The following HCLS1 variants were observed in gnomAD, a reference collection of about 807,000 sequenced individuals.
The protein encoded by HCLS1 is hematopoietic lineage cell-specific protein.
In HCLS1, 44 loss-of-function variants were observed where a neutral mutation model predicts 68.6. The ratio of observed to expected loss-of-function variants is 0.64; its 90% CI spans 0.50 to 0.82. The LOEUF (loss-of-function observed/expected upper bound fraction) is 0.82, where lower values mean the gene tolerates loss of function less well. Among genes scored for constraint, HCLS1 ranks in the 40% least tolerant of loss-of-function variants. The probability of loss-of-function intolerance (pLI) is 0.00; values close to 1 mark genes in which losing one functional copy is unlikely to be tolerated. For synonymous variants in HCLS1, 217 were observed against 225.8 expected, an observed-to-expected ratio of 0.96 and a Z score of 0.35; for missense variants, 602 against 612.1, an observed-to-expected ratio of 0.98 and a Z score of 0.17.
intron 7 of HCLS1, 145 bp from the exon 8 acceptor site, chr3:121,636,634 G>T (rs2049153723): frequency 1.2e-5 from 8 of 659,374 alleles, no homozygotes; most frequent in Non-Finnish European, 1.9e-5. Context: ...GGCATGGATG[G>T]GAAGAGAGGG....
intron 10 of HCLS1, 42 bp downstream of exon 10, chr3:121,634,165 C>T: frequency 1.9e-6 from 3 of 1,612,298 alleles, no homozygotes; most frequent in Non-Finnish European, 2.5e-6. Flanking sequence ...CCTGTCTGGG[C>T]AAGAGATCCT....
At chr3:121,657,483 TC>T in intron 2 of HCLS1, 131 bp from the exon 3 acceptor site, 3 of 754,622 alleles carry the variant, frequency 4.0e-6, no homozygotes, top group Non-Finnish European at 6.8e-6. Flanking sequence ...TTTATTCACA[TC>T]CCCTCTATAT....
intron 3 of HCLS1, among the ~76,000 whole-genome samples, chr3:121,649,686 T>A (rs973984428): frequency 2.0e-5 from 3 of 152,188 alleles, no homozygotes; most frequent in African/African-American, 4.8e-5. Context: ...AAACAAAAAA[T>A]TCCAATTCAA....
At chr3:121,650,347 T>C (rs1387954631) in intron 3 of HCLS1, among the ~76,000 whole-genome samples, 2 of 151,520 alleles carry the variant, frequency 1.3e-5, no homozygotes, top group African/African-American at 4.8e-5. Context: ...AAATGTAAAG[T>C]CCTGGAATAG....
intron 3 of HCLS1, among the ~76,000 whole-genome samples, chr3:121,655,796 TA>T (rs1937852827): frequency 6.7e-6 from 1 of 149,436 alleles, no homozygotes; most frequent in Admixed American, 6.7e-5. Context: ...TTAAGAATAA[TA>T]TTCATTATAG....
chr3:121,632,571 G>T lies in HCLS1; in HGVS notation c.1009-8C>A. 6.2e-7 allele frequency: 1 copy of T among 1,608,676 alleles called. No individual in the cohort carries two copies. On this transcript the variant is annotated splice_region_variant and splice_polypyrimidine_tract_variant and intron_variant, in intron 11 of 13. Coordinates refer to ENST00000314583, the MANE Select transcript of HCLS1 (RefSeq NM_005335.6). ...TGGGGGCTCCTCATTGTCCTGAGAA[G>T]AGACAGTGTGGAGCACTGTGACTTC...
At chr3:121,642,852 T>A (rs2049213465) in intron 6 of HCLS1, 75 bp downstream of exon 6, 1 of 1,130,958 alleles carries the variant, frequency 8.8e-7, no homozygotes, top group East Asian at 2.4e-5. Flanking sequence ...TGATGACAAC[T>A]GCTGGAAGAT....
chr3:121,649,839 A>C (rs1387967361), intron 3 of HCLS1, among the ~76,000 whole-genome samples: 2 of 152,024 alleles, frequency 1.3e-5, no homozygotes, highest in Non-Finnish European at 2.9e-5. Context: ...CTCATTCCTC[A>C]ATCTGTGTTT....
intron 3 of HCLS1, among the ~76,000 whole-genome samples, chr3:121,649,198 C>T (rs1278375112): frequency 6.6e-6 from 1 of 152,054 alleles, no homozygotes; most frequent in East Asian, 1.9e-4. Flanking sequence ...AAACAGACTT[C>T]TTTAGGTTAT....
Position 121,631,487 on chromosome 3 carries a change from C to A in HCLS1, c.*359G>T. Reference sequence around the variant, plus strand: ...TATTTCTTCAGGGAAGGAAAGTGGGCAAATAGCACAATGAGGCAAACCACA... The same window carrying A: ...TATTTCTTCAGGGAAGGAAAGTGGGAAAATAGCACAATGAGGCAAACCACA... On this transcript the variant is annotated 3_prime_UTR_variant, in exon 14 of 14. Transcript: ENST00000314583. 1 of 205,458 alleles carries A rather than the reference C, an allele frequency of 4.9e-6. No homozygotes were observed. Among genetic ancestry groups the A allele is most frequent in the Non-Finnish European group, 9.8e-6 (1 of 101,722 alleles). 12.7% of individuals were successfully genotyped at this position (205,458 alleles called of 1,614,324 possible). A position where few individuals can be genotyped will look rare whatever the true frequency, so the allele number is the denominator to read the frequency against.
intron 6 of HCLS1, among the ~76,000 whole-genome samples, chr3:121,638,742 G>A (rs190891735): frequency 5.9e-5 from 9 of 152,298 alleles, no homozygotes; most frequent in African/African-American, 2.2e-4. Flanking sequence ...GCATGAATAT[G>A]AGATAAAGTG....
Position 121,634,303 on chromosome 3 carries a change from C to G in HCLS1, c.807G>C (p.Lys269Asn). 6.2e-6 allele frequency: 10 copies of G among 1,614,204 alleles called. No individual in the cohort carries two copies. Among genetic ancestry groups the G allele is most frequent in the Non-Finnish European group, 8.5e-6 (10 of 1,180,050 alleles). ...QQVARRQQER[K>N]AVTKRSPEAP... is the part of the protein sequence containing the mutation. ...CCTCAGGGCTCCTCTTTGTCACAGC[C>G]TTTCGCTCCTGTTGCCTCCTGGCCA... The change falls in exon 10 of 14, where the codon AAG (lysine) becomes AAC (asparagine). Residue 269 changes from lysine (K) to asparagine (N), a missense_variant. Transcript: ENST00000314583.
chr3:121,657,195 C>G lies in HCLS1; in HGVS notation c.158+84G>C, dbSNP rs984597527. The G allele has an allele frequency of 3.2e-5, 36 of 1,136,510 alleles. No homozygotes were observed. In the Middle Eastern group the frequency reaches 1.2e-3, roughly 38 times the overall value. 70.4% of individuals were successfully genotyped at this position (1,136,510 alleles called of 1,614,324 possible). On this transcript the variant is annotated intron_variant, in intron 3 of 13. Coordinates refer to ENST00000314583, the MANE Select transcript of HCLS1 (RefSeq NM_005335.6). ...ACATGAACTACCCTATCCTTTTCCT[C>G]CCTCACCTTCCCCCAAGTCTCCGAG...
intron 6 of HCLS1, among the ~76,000 whole-genome samples, chr3:121,641,749 T>C (rs2049200609): frequency 6.6e-6 from 1 of 152,120 alleles, no homozygotes; most frequent in Non-Finnish European, 1.5e-5. Context: ...TAGAATACCT[T>C]ATTTTCAACC....
Position 121,632,089 on chromosome 3 carries a change from C to A in HCLS1, c.1324+12G>T. On this transcript the variant is annotated intron_variant, in intron 13 of 13. Transcript: ENST00000314583. The stretch of plus-strand genomic sequence containing the variant: ...TCCATGTACCAGGCTCCTCGGGCCA[C>A]TCCCAACCTACCTCCTTGGTAATCA... The A allele has an allele frequency of 6.2e-7, 1 of 1,614,016 alleles. No individual in the cohort carries two copies. Among genetic ancestry groups the A allele is most frequent in the South Asian group, 1.1e-5 (1 of 91,066 alleles).
At chr3:121,646,010 TATAA>T (rs1489034717) in intron 4 of HCLS1, among the ~76,000 whole-genome samples, 2 of 133,092 alleles carry the variant, frequency 1.5e-5, no homozygotes, top group African/African-American at 2.8e-5. Context: ...TAAATATATT[TATAA>T]ATAATTATAT....
At position 121,657,360 on chromosome 3, in the gene HCLS1, C is replaced by T. The variant is rs190215034; in HGVS notation, c.85-8G>A. The T allele has an allele frequency of 1.6e-5, 26 of 1,613,824 alleles. No individual in the cohort carries two copies. The highest frequency in any genetic ancestry group is 1.5e-4 in the Admixed American group (9 of 59,990). ...CTTTTCAGAGATGTCATTCTGCAAA[C>T]GACAGCACGCAGTAATACATGACGG... is the stretch of plus-strand genomic sequence containing the variant. On this transcript the variant is annotated splice_region_variant and splice_polypyrimidine_tract_variant and intron_variant, in intron 2 of 13. Coordinates refer to ENST00000314583, the MANE Select transcript of HCLS1 (RefSeq NM_005335.6).
At position 121,633,196 on chromosome 3, in the gene HCLS1, A is replaced by G. The variant is rs544509632; in HGVS notation, c.904-25T>C. 17 of 1,453,076 alleles carry G rather than the reference A, an allele frequency of 1.2e-5. No homozygotes were observed. In the Admixed American group the frequency reaches 2.5e-4, roughly 21 times the overall value. The allele number at this position is 1,453,076 out of a possible 1,614,324, so 90.0% of individuals were successfully genotyped here. ...CCTGTGGAAAATGAAGCATCTCTCA[A>G]GTAAGCAAGCCTCCATCTTCACTCC... is the stretch of plus-strand genomic sequence containing the variant. On this transcript the variant is annotated intron_variant, in intron 10 of 13. Coordinates refer to ENST00000314583, the MANE Select transcript of HCLS1 (RefSeq NM_005335.6).
At chr3:121,648,245 C>T (rs971971353) in intron 3 of HCLS1, among the ~76,000 whole-genome samples, 1 of 152,106 alleles carries the variant, frequency 6.6e-6, no homozygotes, top group African/African-American at 2.4e-5. Context: ...ACACTTTAAG[C>T]CTCAAATTAT....
Sources: gnomAD v4.1 joint callset for allele counts (sites outside exome capture counted in the v4.1 genomes callset) on GRCh38, gnomAD v4.1.1 for gene constraint, MANE v1.5 for transcripts, NCBI Gene and HGNC (gene_info 2026-07-23, HGNC 2026-07-21) for gene names.